CLDN10: variants seen among roughly 807,000 people sequenced by gnomAD.
CLDN10 encodes claudin 10.
A neutral mutation model predicts 22.9 loss-of-function variants in CLDN10; 15 were observed. That is an observed-to-expected ratio of 0.65 (90% CI 0.44 to 1.01). CLDN10 has a LOEUF of 1.01. CLDN10 is among the 50% of genes least tolerant of loss of function. The pLI, the probability that CLDN10 is intolerant of heterozygous loss-of-function variation, is 0.00. For synonymous variants in CLDN10, 114 were observed against 111.4 expected, an observed-to-expected ratio of 1.02 and a Z score of -0.15; for missense variants, 247 against 287.8, an observed-to-expected ratio of 0.86 and a Z score of 1.03.
chr13:95,533,152 T>A (rs1391892620), intron 1 of CLDN10, among the ~76,000 whole-genome samples: 1 of 151,216 alleles, frequency 6.6e-6, no homozygotes, highest in South Asian at 2.1e-4. Context: ...TAGCTAGTGA[T>A]ATGCTTGCTG....
intron 3 of CLDN10, among the ~76,000 whole-genome samples, chr13:95,563,746 G>A (rs144334557): frequency 1.3e-5 from 2 of 152,232 alleles, no homozygotes; most frequent in East Asian, 3.9e-4. Context: ...AAAATGACAT[G>A]ACACCCACAA....
intron 3 of CLDN10, among the ~76,000 whole-genome samples, chr13:95,573,807 T>C (rs191574555): frequency 1.3e-5 from 2 of 152,158 alleles, no homozygotes; most frequent in East Asian, 1.9e-4. Context: ...ACATGTGCCA[T>C]GTTGGTTTGC....
chr13:95,496,899 C>T (rs1320843410), intron 1 of CLDN10, among the ~76,000 whole-genome samples: 2 of 152,132 alleles, frequency 1.3e-5, no homozygotes, highest in Non-Finnish European at 2.9e-5. Flanking sequence ...CTGTGGAATG[C>T]ACATAGGGAC....
intron 1 of CLDN10, among the ~76,000 whole-genome samples, chr13:95,434,303 G>T (rs2042241753): frequency 6.6e-6 from 1 of 152,068 alleles, no homozygotes; most frequent in South Asian, 2.1e-4. Flanking sequence ...GGGAAGAGTG[G>T]AAGTGACTGG....
intron 1 of CLDN10, among the ~76,000 whole-genome samples, chr13:95,475,818 C>T (rs113552146): frequency 0.11 from 17,289 of 151,920 alleles, 1,344 homozygotes; most frequent in East Asian, 0.23. Context: ...CTCTCTGTCC[C>T]TCTCTCTCCC....
chr13:95,543,866 T>C (rs956869020), intron 1 of CLDN10, among the ~76,000 whole-genome samples: 8 of 152,086 alleles, frequency 5.3e-5, no homozygotes, highest in Non-Finnish European at 1.0e-4. Flanking sequence ...TATTTGAGGA[T>C]TAATTTAATT....
intron 3 of CLDN10, among the ~76,000 whole-genome samples, chr13:95,570,898 A>G (rs192591391): frequency 3.0e-3 from 415 of 137,550 alleles, no homozygotes; most frequent in Non-Finnish European, 5.0e-3. Context: ...CAGTTTTATA[A>G]CTATTTATAA....
intron 1 of CLDN10, among the ~76,000 whole-genome samples, chr13:95,496,449 T>C (rs2042930896): frequency 6.6e-6 from 1 of 152,210 alleles, no homozygotes. Context: ...TTTTCAAAAT[T>C]GATTTGATTA....
intron 1 of CLDN10, among the ~76,000 whole-genome samples, chr13:95,543,277 C>T (rs890801549): frequency 6.6e-5 from 10 of 152,066 alleles, no homozygotes; most frequent in Non-Finnish European, 1.5e-4. Flanking sequence ...GTCTTCTGCC[C>T]TGAGACTGAG....
chr13:95,457,382 T>C (rs2042492552), intron 1 of CLDN10, among the ~76,000 whole-genome samples: 10 of 152,222 alleles, frequency 6.6e-5, no homozygotes, highest in Admixed American at 6.5e-4. Context: ...AAATGGATCC[T>C]CTTTCGTTGA....
intron 1 of CLDN10, among the ~76,000 whole-genome samples, chr13:95,500,338 C>T (rs79567012): frequency 0.074 from 11,187 of 152,180 alleles, 450 homozygotes; most frequent in Non-Finnish European, 0.086. Flanking sequence ...TGGGAAGTAC[C>T]TATTTAGCCT....
intron 1 of CLDN10, among the ~76,000 whole-genome samples, chr13:95,435,576 C>T (rs1321127032): frequency 6.6e-6 from 1 of 152,196 alleles, no homozygotes; most frequent in Admixed American, 6.5e-5. Context: ...CTATGTCTCT[C>T]TTCAGGGTCA....
At chr13:95,474,823 G>A (rs1298765710) in intron 1 of CLDN10, among the ~76,000 whole-genome samples, 2 of 152,146 alleles carry the variant, frequency 1.3e-5, no homozygotes, top group African/African-American at 4.8e-5. Flanking sequence ...CAGGGGGTAG[G>A]GTGGAGGAAG....
intron 1 of CLDN10, among the ~76,000 whole-genome samples, chr13:95,464,827 G>T (rs1322051687): frequency 2.0e-5 from 3 of 151,976 alleles, no homozygotes; most frequent in South Asian, 2.1e-4. Context: ...TGCCTCCCAG[G>T]CTCAAGTGAT....
At chr13:95,495,859 A>G (rs1337810148) in intron 1 of CLDN10, among the ~76,000 whole-genome samples, 1 of 152,182 alleles carries the variant, frequency 6.6e-6, no homozygotes, top group Non-Finnish European at 1.5e-5. Flanking sequence ...AGCCCAGATA[A>G]CATAATAATT....
At chr13:95,552,614 G>A, upstream of CLDN10, 4 of 1,120,600 alleles carry the variant, frequency 3.6e-6, no homozygotes, top group Non-Finnish European at 4.7e-6. Context: ...TGCGCCCCCT[G>A]GCGCCGGGTC....
At chr13:95,444,697 T>C (rs1160163900) in intron 1 of CLDN10, among the ~76,000 whole-genome samples, 1 of 152,234 alleles carries the variant, frequency 6.6e-6, no homozygotes, top group African/African-American at 2.4e-5. Flanking sequence ...AATTATTAAC[T>C]GCATGTTTCT....
chr13:95,531,555 G>T (rs2043342441), intron 1 of CLDN10, among the ~76,000 whole-genome samples: 2 of 151,844 alleles, frequency 1.3e-5, no homozygotes, highest in African/African-American at 4.8e-5. Context: ...TTTTGAGACA[G>T]GGTCTCACTC....
At chr13:95,473,322 T>A (rs9590279) in intron 1 of CLDN10, among the ~76,000 whole-genome samples, 8,509 of 152,206 alleles carry the variant, frequency 0.056, 779 homozygotes, top group African/African-American at 0.19. Flanking sequence ...CAAACCACCA[T>A]GGCACACATT....
Sources: allele counts gnomAD v4.1 joint callset (sites outside exome capture counted in the v4.1 genomes callset), GRCh38; gene constraint gnomAD v4.1.1; transcripts MANE v1.5; gene names NCBI Gene and HGNC (gene_info 2026-07-23, HGNC 2026-07-21).